GFRA1: variants seen among roughly 807,000 people sequenced by gnomAD.
The protein encoded by GFRA1 is GDNF family receptor alpha-1.
A neutral mutation model predicts 51.6 loss-of-function variants in GFRA1; 16 were observed. The ratio of observed to expected loss-of-function variants is 0.31; its 90% CI spans 0.21 to 0.47. GFRA1 has a LOEUF of 0.47. Ranked by LOEUF, GFRA1 falls within the 20% of genes least tolerant of loss-of-function variation. The pLI, the probability that GFRA1 is intolerant of heterozygous loss-of-function variation, is 1.00. For missense variants in GFRA1, 530 were observed against 594.3 expected, an observed-to-expected ratio of 0.89 and a Z score of 1.13; for synonymous variants, 270 against 241.3, an observed-to-expected ratio of 1.12 and a Z score of -1.10.
At chr10:116,147,840 G>T (rs1027169180) in intron 5 of GFRA1, among the ~76,000 whole-genome samples, 1 of 151,990 alleles carries the variant, frequency 6.6e-6, no homozygotes, top group Non-Finnish European at 1.5e-5. Flanking sequence ...CCTCACGCAC[G>T]CTCCTCCCCC....
Position 116,064,145 on chromosome 10 carries a change from A to C in GFRA1, c.*253T>G. On this transcript the variant is annotated 3_prime_UTR_variant, in exon 11 of 11. Transcript: ENST00000355422. ...CAGTTTGCTTTACAGCCCAAGTTAC[A>C]AACTGTCCCTTTAAAATACAGCATA... The C allele has an allele frequency of 2.2e-6, 1 of 445,914 alleles. No individual in the cohort carries two copies. Among genetic ancestry groups the C allele is most frequent in the Non-Finnish European group, 4.1e-6 (1 of 244,526 alleles). 27.6% of individuals were successfully genotyped at this position (445,914 alleles called of 1,614,324 possible).
At position 116,159,039 on chromosome 10, in the gene GFRA1, G is replaced by A. The variant is rs147379492; in HGVS notation, c.434-33482C>T. On this transcript the variant is annotated intron_variant, in intron 5 of 10. Transcript: ENST00000355422. ...TTTACCATCCTCTAAGTCATCAGGCGTGATACAGCCACATTTTTTTTAAAA... is the reference window on the plus strand; with the variant it reads ...TTTACCATCCTCTAAGTCATCAGGCATGATACAGCCACATTTTTTTTAAAA... Among the ~76,000 whole-genome samples the A allele has an allele frequency of 1.4e-4, 22 of 152,300 alleles. 1 individual carries two copies. In the South Asian group the frequency reaches 1.9e-3, roughly 13 times the overall value.
intron 4 of GFRA1, among the ~76,000 whole-genome samples, chr10:116,220,410 G>C (rs915138073): frequency 6.6e-6 from 1 of 152,156 alleles, no homozygotes; most frequent in Non-Finnish European, 1.5e-5. Context: ...GTTTTAATCA[G>C]GTTGGTTACC....
intron 4 of GFRA1, 149 bp downstream of exon 4, chr10:116,269,354 C>T: frequency 1.4e-6 from 1 of 701,300 alleles, no homozygotes; most frequent in South Asian, 1.5e-5. Context: ...GGCATTATGC[C>T]TCTTCATTAT....
rs1348570058 is a variant in GFRA1, at chr10:116,272,045, C to T, written c.-16G>A. Reference sequence around the variant, plus strand: ...CCAGGAACATGGTGCCGGCGCGGGGCTGGTCCCCGCCCCCCCAAAAAAATC... The same window carrying T: ...CCAGGAACATGGTGCCGGCGCGGGGTTGGTCCCCGCCCCCCCAAAAAAATC... On this transcript the variant is annotated 5_prime_UTR_variant, in exon 2 of 11. Transcript: ENST00000355422. The surrounding 1 kb of genome is among the most constrained non-coding windows in gnomAD (Gnocchi z 4.4). The T allele has an allele frequency of 1.3e-6, 2 of 1,550,130 alleles. No homozygotes were observed. The highest frequency in any genetic ancestry group is 1.4e-5 in the African/African-American group (1 of 73,006).
chr10:116,188,033 G>T (rs1962894049), intron 5 of GFRA1, among the ~76,000 whole-genome samples: 1 of 152,126 alleles, frequency 6.6e-6, no homozygotes. Context: ...TAATCTGGTT[G>T]CCCAGTCAGC....
At chr10:116,082,905 C>CT (rs1565561088) in intron 9 of GFRA1, among the ~76,000 whole-genome samples, 1 of 152,212 alleles carries the variant, frequency 6.6e-6, no homozygotes, top group Non-Finnish European at 1.5e-5. Flanking sequence ...GTCAAAATCT[C>CT]TAATGCATCT....
chr10:116,270,862 GTTC>G lies in GFRA1; in HGVS notation c.291_293del (p.Lys97del), dbSNP rs1336333005. Reference sequence around the variant, plus strand: ...ACATGCTCCAGTAAATGCGCAGGCAGTTCTTCTCCTTCTTCATACCCCGCTTGC... The same window carrying G: ...ACATGCTCCAGTAAATGCGCAGGCAGTTCTCCTTCTTCATACCCCGCTTGC... On this transcript the variant is annotated inframe_deletion, in exon 3 of 11. Transcript: ENST00000355422. The G allele has an allele frequency of 6.2e-7, 1 of 1,613,920 alleles. No homozygotes were observed. Among genetic ancestry groups the G allele is most frequent in the Non-Finnish European group, 8.5e-7 (1 of 1,180,018 alleles).
At chr10:116,145,184 TACA>T (rs1373596030) in intron 5 of GFRA1, among the ~76,000 whole-genome samples, 5 of 124,550 alleles carry the variant, frequency 4.0e-5, no homozygotes, top group African/African-American at 5.9e-5. Context: ...ATTAAAAACT[TACA>T]ACAACAACAA....
intron 5 of GFRA1, among the ~76,000 whole-genome samples, chr10:116,171,831 C>T (rs1961057433): frequency 6.6e-6 from 1 of 152,196 alleles, no homozygotes; most frequent in Non-Finnish European, 1.5e-5. Context: ...CCTACTGAGT[C>T]ACTCCTGCTC....
rs1232496277 is a variant in GFRA1 at position 116,063,792 on chromosome 10, C to CTGTT, written c.*602_*605dup. 6 of 153,598 alleles carry CTGTT rather than the reference C, an allele frequency of 3.9e-5. No homozygotes were observed. The highest frequency in any genetic ancestry group is 1.4e-4 in the African/African-American group (6 of 41,410). The allele number at this position is 153,598 out of a possible 1,614,324, so 9.5% of individuals were successfully genotyped here. A position where few individuals can be genotyped will look rare whatever the true frequency, so the allele number is the denominator to read the frequency against. ...TTTTCTTTTGTACAAGAGTGCAGAA[C>CTGTT]TGTTTACAGTACATAAACATCAGCG... On this transcript the variant is annotated 3_prime_UTR_variant, in exon 11 of 11. Transcript: ENST00000355422.
chr10:116,120,331 G>A (rs868521931), intron 6 of GFRA1, among the ~76,000 whole-genome samples: 4 of 152,202 alleles, frequency 2.6e-5, no homozygotes, highest in African/African-American at 9.7e-5. Flanking sequence ...CAACTCTTGG[G>A]AGGCTGAGGC....
chr10:116,093,564 A>C (rs1956442608), intron 8 of GFRA1, 138 bp downstream of exon 8: 2 of 771,374 alleles, frequency 2.6e-6, no homozygotes, highest in East Asian at 5.1e-5. Context: ...AGACAGACAG[A>C]GAGAGGAAGC....
chr10:116,087,293 G>C (rs1242132123), intron 9 of GFRA1, among the ~76,000 whole-genome samples: 23 of 152,090 alleles, frequency 1.5e-4, no homozygotes, highest in Non-Finnish European at 3.2e-4. Context: ...ACAGGGGGCG[G>C]TGTGGAAGAG....
At chr10:116,079,364 T>A (rs1349357299) in intron 9 of GFRA1, among the ~76,000 whole-genome samples, 1 of 152,132 alleles carries the variant, frequency 6.6e-6, no homozygotes, top group East Asian at 1.9e-4. Context: ...TGTCCCTGCC[T>A]GCACTACCTA....
intron 6 of GFRA1, among the ~76,000 whole-genome samples, chr10:116,109,899 C>A (rs939916356): frequency 6.6e-6 from 1 of 152,136 alleles, no homozygotes; most frequent in Non-Finnish European, 1.5e-5. Flanking sequence ...TCAGTCTCCC[C>A]CTGTATAAAA....
intron 4 of GFRA1, among the ~76,000 whole-genome samples, chr10:116,223,430 C>T (rs561482578): frequency 2.8e-4 from 42 of 152,286 alleles, no homozygotes; most frequent in Non-Finnish European, 3.5e-4. Context: ...GAGCACAGGC[C>T]TTTCTGCCAG....
intron 6 of GFRA1, 50 bp from the exon 7 acceptor site, chr10:116,096,814 C>G: frequency 1.0e-6 from 1 of 995,724 alleles, no homozygotes; most frequent in Non-Finnish European, 1.6e-6. Context: ...TTAAAACATC[C>G]TAAGCCTCCG....
At chr10:116,228,998 A>G (rs973215280) in intron 4 of GFRA1, among the ~76,000 whole-genome samples, 1 of 149,080 alleles carries the variant, frequency 6.7e-6, no homozygotes, top group Admixed American at 6.7e-5. Context: ...AAAAAAAAAA[A>G]AAAAAAAAAG....
Sources: allele counts gnomAD v4.1 joint callset (sites outside exome capture counted in the v4.1 genomes callset), GRCh38; gene constraint gnomAD v4.1.1; non-coding constraint Gnocchi (gnomAD v3.1); transcripts MANE v1.5; gene names NCBI Gene and HGNC (gene_info 2026-07-23, HGNC 2026-07-21).